The following PCDHGA8 variants were observed in gnomAD, a reference collection of about 807,000 sequenced individuals.
PCDHGA8 encodes the protein protocadherin gamma-A8.
A neutral mutation model predicts 59.2 loss-of-function variants in PCDHGA8; 45 were observed. The observed-to-expected ratio is 0.76, with a 90% CI of 0.60 to 0.98. PCDHGA8 has a LOEUF of 0.98. Among genes scored for constraint, PCDHGA8 ranks in the 50% least tolerant of loss-of-function variants. PCDHGA8 has a pLI of 0.00. For missense variants in PCDHGA8, 1,257 were observed against 1,196.2 expected (o/e 1.05, Z -0.75); for synonymous variants, 531 against 519.0 (o/e 1.02, Z -0.32).
chr5:141,395,176 A>G lies in PCDHGA8; in HGVS notation c.2363A>G (p.Asn788Ser), dbSNP rs750497200. 1.1e-5 allele frequency: 18 copies of G among 1,614,206 alleles called. No homozygotes were observed. Among genetic ancestry groups the G allele is most frequent in the East Asian group, 8.9e-5 (4 of 44,892 alleles). Residue 788 changes from asparagine (N) to serine (S), a missense_variant, in exon 1 of 4, where the codon AAT becomes AGT. Physicochemically the swap from Asn to Ser is conservative, Grantham distance 46. Coordinates refer to ENST00000398604, the MANE Select transcript of PCDHGA8 (RefSeq NM_032088.2). ...MLISQEGCEK[N>S]DSLLTSVDFH... Reference sequence around the variant, plus strand: ...ATCAGTCAGGAGGGCTGTGAGAAAAATGATTCTTTGTTAACATCCGTAGAT... The same window carrying G: ...ATCAGTCAGGAGGGCTGTGAGAAAAGTGATTCTTTGTTAACATCCGTAGAT...
intron 1 of PCDHGA8, chr5:141,415,449 C>G: frequency 6.2e-7 from 1 of 1,614,182 alleles, no homozygotes; most frequent in Admixed American, 1.7e-5. Context: ...AGACCTATTC[C>G]CACGAGGTCT....
intron 1 of PCDHGA8, chr5:141,415,324 G>A (rs2095854761): frequency 1.9e-6 from 3 of 1,614,108 alleles, no homozygotes; most frequent in African/African-American, 2.7e-5. Flanking sequence ...CGTGCTGCTG[G>A]CGCACAGGCT....
intron 1 of PCDHGA8, among the ~76,000 whole-genome samples, chr5:141,446,174 G>A (rs1242027176): frequency 1.3e-5 from 2 of 152,062 alleles, no homozygotes; most frequent in Non-Finnish European, 2.9e-5. Context: ...GAGGGCAGGG[G>A]GTGTTTTGTT....
chr5:141,423,805 G>GT (rs1384575574), intron 1 of PCDHGA8: 44 of 1,261,806 alleles, frequency 3.5e-5, no homozygotes, highest in South Asian at 8.9e-5. Context: ...AGCAATACAT[G>GT]TGAGTTTTAC....
chr5:141,418,282 A>C, intron 1 of PCDHGA8: 1 of 1,614,030 alleles, frequency 6.2e-7, no homozygotes, highest in Non-Finnish European at 8.5e-7. Flanking sequence ...TAAACTTAGA[A>C]ATCAGTGAAT....
chr5:141,400,023 C>A (rs755667675), intron 1 of PCDHGA8: 38 of 1,612,754 alleles, frequency 2.4e-5, no homozygotes, highest in Non-Finnish European at 3.2e-5. Flanking sequence ...GCGACAGGGA[C>A]GCGGCCCGCC....
chr5:141,415,657 G>C, intron 1 of PCDHGA8: 1 of 1,576,238 alleles, frequency 6.3e-7, no homozygotes, highest in Non-Finnish European at 8.6e-7. Context: ...AAAAAAGATT[G>C]GTTTTTACTT....
chr5:141,498,737 G>A (rs1176793634), intron 2 of PCDHGA8, among the ~76,000 whole-genome samples: 1 of 152,076 alleles, frequency 6.6e-6, no homozygotes, highest in African/African-American at 2.4e-5. Context: ...TTTGAGACCA[G>A]CCTGGCCAAC....
chr5:141,422,338 A>C, intron 1 of PCDHGA8: 1 of 1,550,090 alleles, frequency 6.5e-7, no homozygotes, highest in Non-Finnish European at 8.7e-7. Flanking sequence ...TGCTCTTCTA[A>C]ATGTGCAAGA....
At chr5:141,403,674 T>C in intron 1 of PCDHGA8, 2 of 1,613,812 alleles carry the variant, frequency 1.2e-6, no homozygotes, top group South Asian at 2.2e-5. Flanking sequence ...AATGCCCCGG[T>C]TTTTGCTCAA....
chr5:141,423,095 A>ACG (rs2096709208), intron 1 of PCDHGA8: 4 of 1,613,860 alleles, frequency 2.5e-6, no homozygotes, highest in African/African-American at 2.7e-5. Flanking sequence ...GTGGGGGAGC[A>ACG]CACGGGCGAG....
chr5:141,393,012 G>T lies in PCDHGA8; in HGVS notation c.199G>T (p.Val67Phe). Residue 67 changes from valine (V) to phenylalanine (F), a missense_variant, in exon 1 of 4, where the codon GTC becomes TTC. Transcript: ENST00000398604. ...GCTGGCGAAGCACGGAGTCCGTATC[G>T]TCTCCAGAGGTAGGACGCAGCTCTT... ...RKLAKHGVRIVSRGRTQLFAL... is the reference protein window; with the variant it reads ...RKLAKHGVRIFSRGRTQLFAL... The T allele has an allele frequency of 1.9e-6, 3 of 1,613,842 alleles. No individual in the cohort carries two copies. The highest frequency in any genetic ancestry group is 2.5e-6 in the Non-Finnish European group (3 of 1,179,876).
intron 1 of PCDHGA8, 48 bp from the exon 2 acceptor site, chr5:141,494,759 C>CT: frequency 6.2e-7 from 1 of 1,613,886 alleles, no homozygotes; most frequent in Non-Finnish European, 8.5e-7. Flanking sequence ...GGGTGACATT[C>CT]TAACTTCTCA....
At chr5:141,417,637 A>ATCCCTCAGCCTCTAGCCTGGGAT (rs2096141530) in intron 1 of PCDHGA8, 1 of 724,654 alleles carries the variant, frequency 1.4e-6, no homozygotes, top group Admixed American at 3.5e-5. Flanking sequence ...GACGCCGGGG[A>ATCCCTCAGCCTCTAGCCTGGGAT]TCCCTCAGCC....
chr5:141,430,383 G>GAAA (rs139772145), intron 1 of PCDHGA8, among the ~76,000 whole-genome samples: 2 of 138,566 alleles, frequency 1.4e-5, no homozygotes, highest in South Asian at 4.6e-4. Flanking sequence ...AGCTCATTGG[G>GAAA]AAAAAAAAAA....
intron 1 of PCDHGA8, chr5:141,417,091 A>G (rs1345871347): frequency 6.6e-6 from 1 of 152,194 alleles, no homozygotes; most frequent in Non-Finnish European, 1.5e-5. Flanking sequence ...TTTTGATTAT[A>G]ATTATTTAAA....
At chr5:141,492,954 A>G (rs2099745299) in intron 1 of PCDHGA8, among the ~76,000 whole-genome samples, 1 of 152,212 alleles carries the variant, frequency 6.6e-6, no homozygotes, top group Non-Finnish European at 1.5e-5. Context: ...TGACCAAACT[A>G]TCTGACACTC....
chr5:141,471,046 C>CTTTT (rs1170588345), intron 1 of PCDHGA8, among the ~76,000 whole-genome samples: 3 of 113,278 alleles, frequency 2.6e-5, no homozygotes, highest in African/African-American at 7.1e-5. Flanking sequence ...CCCAAGCCCT[C>CTTTT]TTTTTTTTTT....
At chr5:141,410,886 C>A in intron 1 of PCDHGA8, 1 of 290,056 alleles carries the variant, frequency 3.4e-6, no homozygotes, top group Non-Finnish European at 5.6e-6. Flanking sequence ...TGGAGTCTCG[C>A]ACTGTTGCCT....
Sources: gnomAD v4.1 joint callset for allele counts (sites outside exome capture counted in the v4.1 genomes callset) on GRCh38, gnomAD v4.1.1 for gene constraint, MANE v1.5 for transcripts, NCBI Gene and HGNC (gene_info 2026-07-23, HGNC 2026-07-21) for gene names.